DCHS1: variants seen among roughly 807,000 people sequenced by gnomAD.
The protein encoded by DCHS1 is dachsous cadherin-related 1.
In DCHS1, 78 loss-of-function variants were observed where a neutral mutation model predicts 213.9. The ratio of observed to expected loss-of-function variants is 0.36; its 90% CI spans 0.30 to 0.44. The LOEUF (loss-of-function observed/expected upper bound fraction) is 0.44, where lower values mean the gene tolerates loss of function less well. DCHS1 is among the 20% of genes least tolerant of loss of function. The pLI is 1.00. For synonymous variants in DCHS1, 1,828 were observed against 1,873.7 expected (o/e 0.98, Z 0.63); for missense variants, 3,946 against 4,395.9 (o/e 0.90, Z 2.89).
In DCHS1 at chr11:6,622,986, T is replaced by A. The variant is rs750099708; in HGVS notation, c.8690A>T (p.Glu2897Val). 7 of 1,571,268 alleles carry A rather than the reference T, an allele frequency of 4.5e-6. No individual in the cohort carries two copies. The highest frequency in any genetic ancestry group is 3.7e-5 in the Admixed American group (2 of 53,722). The change falls in exon 21 of 21, where the codon GAG (glutamate) becomes GTG (valine). Residue 2897 changes from glutamate to valine, a missense_variant. Glu to Val is a moderately radical substitution (Grantham distance 121, BLOSUM62 -2). This residue lies in a region of DCHS1 where 554 missense variants were observed against 590.2 expected (regional missense o/e 0.94). Transcript: ENST00000299441. This position sits in a 1 kb window ranked among gnomAD's most constrained non-coding sequence, Gnocchi z 5.4. The part of the protein sequence containing the change: ...GGRTRREAPR[E>V]LRLEVIARGP... ...CCGTGCTATCACCTCCAGCCTCAGC[T>A]CCCGTGGTGCTTCCCGCCGGGTCCG...
At position 6,653,872 on chromosome 11, in the gene DCHS1, T is replaced by G. The variant is rs574334623; in HGVS notation, c.-121+1691A>C. 8.5e-5 allele frequency among the ~76,000 whole-genome samples: 13 copies of G among 152,150 alleles called. No individual in the cohort carries two copies. The East Asian group carries it at 2.5e-3, about 29-fold the overall frequency. On this transcript the variant is annotated intron_variant, in intron 1 of 20. Coordinates refer to ENST00000299441, the MANE Select transcript of DCHS1 (RefSeq NM_003737.4). ...GAGGTCATTATGAGGTCAAAGAGTG[T>G]AATGGGAGCGAGAACATCTGAAAGC...
intron 20 of DCHS1, 142 bp from the exon 21 acceptor site, chr11:6,624,532 T>C: frequency 7.7e-7 from 1 of 1,294,894 alleles, no homozygotes; most frequent in Non-Finnish European, 1.0e-6. Context: ...GGGGATGGCC[T>C]CAAGGATTCA....
rs553302185 is a variant in DCHS1, at chr11:6,633,076, G to T, written c.2456-20C>A. ...AGCGACCTAGGGAGGATGAAAAAGG[G>T]ATCAGGAAAGAGATGGAGGGGCACT... is the stretch of plus-strand genomic sequence containing the variant. On this transcript the variant is annotated intron_variant, in intron 5 of 20. Coordinates refer to ENST00000299441, the MANE Select transcript of DCHS1 (RefSeq NM_003737.4). 3.0e-5 allele frequency: 48 copies of T among 1,575,690 alleles called. No individual in the cohort carries two copies. Among genetic ancestry groups the T allele is most frequent in the Non-Finnish European group, 4.0e-5 (46 of 1,157,258 alleles).
chr11:6,627,056 C>T lies in DCHS1; in HGVS notation c.5983G>A (p.Ala1995Thr), dbSNP rs1469474080. The T allele has an allele frequency of 3.7e-6, 6 of 1,613,452 alleles. No individual in the cohort carries two copies. The Admixed American group carries it at 8.3e-5, about 22-fold the overall frequency. ...TLRAEDRDAG[A>T]NASILYRLAG... Reference sequence around the variant, plus strand: ...AGCCGGTACAGAATGGAAGCATTGGCACCAGCATCACGATCTTCAGCTCTC... The same window carrying T: ...AGCCGGTACAGAATGGAAGCATTGGTACCAGCATCACGATCTTCAGCTCTC... The change falls in exon 14 of 21, where the codon GCC (alanine) becomes ACC (threonine). Residue 1995 changes from alanine (A) to threonine (T), a missense_variant. By Grantham distance (58) the Ala-to-Thr change is moderately conservative. Around this residue, in one of 3 missense-constraint regions of DCHS1, gnomAD observed 3,384 missense variants for 3,780.1 expected, o/e 0.90. Coordinates refer to ENST00000299441, the MANE Select transcript of DCHS1 (RefSeq NM_003737.4). The surrounding 1 kb of genome is among the most constrained non-coding windows in gnomAD (Gnocchi z 5.4).
chr11:6,645,322 C>A (rs553316192), intron 1 of DCHS1, among the ~76,000 whole-genome samples: 2 of 152,236 alleles, frequency 1.3e-5, no homozygotes, highest in South Asian at 4.2e-4. Flanking sequence ...AAGGATGGTT[C>A]CAGGGCCCAG....
chr11:6,630,869 G>A lies in DCHS1; in HGVS notation c.3931-6C>T. 6.6e-7 allele frequency: 1 copy of A among 1,515,622 alleles called. No homozygotes were observed. The highest frequency in any genetic ancestry group is 2.4e-5 in the East Asian group (1 of 42,384). 93.9% of individuals were successfully genotyped at this position (1,515,622 alleles called of 1,614,324 possible). On this transcript the variant is annotated splice_region_variant and splice_polypyrimidine_tract_variant and intron_variant, in intron 9 of 20. Transcript: ENST00000299441. ...AAGCGAGCTGAGGGAAGCACCTGTT[G>A]TGGACCGGGGAGGGAGAACAGAATT...
chr11:6,626,074 C>G lies in DCHS1; in HGVS notation c.6577G>C (p.Val2193Leu), dbSNP rs756921192. Residue 2193 changes from valine (V) to leucine (L), a missense_variant and splice_region_variant, in exon 17 of 21, where the codon GTG becomes CTG. Coordinates refer to ENST00000299441, the MANE Select transcript of DCHS1 (RefSeq NM_003737.4). This position sits in a 1 kb window ranked among gnomAD's most constrained non-coding sequence, Gnocchi z 5.2. ...CCTTGATCCAGGTCATCCGCCTCCACCTGGTGAGGGTAGGAGGCTGCTGGG... is the reference window on the plus strand; with the variant it reads ...CCTTGATCCAGGTCATCCGCCTCCAGCTGGTGAGGGTAGGAGGCTGCTGGG... ...SRPLEGPLLQ[V>L]EADDLDQGSG... 2.5e-6 allele frequency: 4 copies of G among 1,609,204 alleles called. No individual in the cohort carries two copies. The highest frequency in any genetic ancestry group is 3.4e-6 in the Non-Finnish European group (4 of 1,177,822).
Position 6,639,951 on chromosome 11 carries a change from G to C in DCHS1, c.1663C>G (p.Leu555Val), listed in dbSNP as rs1177765491. The part of the protein sequence containing the change: ...QLIVVATDGG[L>V]PPLASSATVS... ...GTGGCAGAGGAGGCTAGAGGGGGCA[G>C]GCCACCATCTGTGGCCACCACAATC... The change falls in exon 2 of 21, where the codon CTG becomes GTG. Residue 555 changes from leucine to valine, a missense_variant. Leu to Val is a conservative substitution (Grantham distance 32, BLOSUM62 1). Transcript: ENST00000299441. 1 of 1,614,040 alleles carries C rather than the reference G, an allele frequency of 6.2e-7. No homozygotes were observed. Among genetic ancestry groups the C allele is most frequent in the Non-Finnish European group, 8.5e-7 (1 of 1,179,892 alleles).
chr11:6,628,104 G>T lies in DCHS1; in HGVS notation c.5372-437C>A, dbSNP rs1431129960. On this transcript the variant is annotated intron_variant, in intron 13 of 20. Transcript: ENST00000299441. This position sits in a 1 kb window ranked among gnomAD's most constrained non-coding sequence, Gnocchi z 4.3. ...CTGTGTGTCTTCAGAGATTCAGTTT[G>T]TTCTGGCTATCTTCAATTATACCTG... 6.6e-6 allele frequency among the ~76,000 whole-genome samples: 1 copy of T among 152,222 alleles called. No homozygotes were observed. The highest frequency in any genetic ancestry group is 1.5e-5 in the Non-Finnish European group (1 of 68,036).
At chr11:6,651,833 T>C (rs1856246742) in intron 1 of DCHS1, among the ~76,000 whole-genome samples, 1 of 152,128 alleles carries the variant, frequency 6.6e-6, no homozygotes, top group South Asian at 2.1e-4. Context: ...GATGGTCATT[T>C]GGGGAAGGAA....
Position 6,626,846 on chromosome 11 carries a change from C to T in DCHS1, c.6193G>A (p.Gly2065Arg). ...IVGLQGEAER[G>R]PRFPRASSEA... ...CTGCTAGCCCGGGGAAAGCGGGGTC[C>T]ACGCTCAGCTTCCCCCTGCAGTCCA... Residue 2065 changes from glycine to arginine, a missense_variant, in exon 14 of 21, where the codon GGA becomes AGA. Physicochemically the swap from Gly to Arg is moderately radical, Grantham distance 125. Coordinates refer to ENST00000299441, the MANE Select transcript of DCHS1 (RefSeq NM_003737.4). This position sits in a 1 kb window ranked among gnomAD's most constrained non-coding sequence, Gnocchi z 5.2. 1 of 1,613,378 alleles carries T rather than the reference C, an allele frequency of 6.2e-7. No homozygotes were observed. The highest frequency in any genetic ancestry group is 8.5e-7 in the Non-Finnish European group (1 of 1,179,866).
Position 6,623,068 on chromosome 11 carries a change from G to A in DCHS1, c.8608C>T (p.Leu2870=), listed in dbSNP as rs1475963225. 1 of 1,588,964 alleles carries A rather than the reference G, an allele frequency of 6.3e-7. No homozygotes were observed. The highest frequency in any genetic ancestry group is 8.6e-7 in the Non-Finnish European group (1 of 1,167,692). The stretch of plus-strand genomic sequence containing the variant: ...CCTGGTGCCCGACTGTCCACCCGCA[G>A]GTACAGGGCTCCTGTAGTCTGGTTA... ...GINQTTGALY[L]RVDSRAPGSG... The change falls in exon 21 of 21, where the codon CTG becomes TTG. Residue 2870 remains leucine, a synonymous_variant. Coordinates refer to ENST00000299441, the MANE Select transcript of DCHS1 (RefSeq NM_003737.4).
At position 6,641,487 on chromosome 11, in the gene DCHS1, G is replaced by A; in HGVS notation, c.127C>T (p.Gln43Ter). ...ATCTGCAAGTCCAGGCTCCCAGCCT[G>A]ACCCCAGGCACCTGGCACCCCAGCC... ...LGAGVPGAWG[Q>*]AGSLDLQIDE... The change falls in exon 2 of 21, where the codon CAG (glutamine) becomes TAG (stop). Residue 43 changes from glutamine (Q) to a stop codon, truncating the protein, a stop_gained. Coordinates refer to ENST00000299441, the MANE Select transcript of DCHS1 (RefSeq NM_003737.4). LOFTEE classifies it high-confidence loss of function. This position sits in a 1 kb window ranked among gnomAD's most constrained non-coding sequence, Gnocchi z 7.1. The A allele has an allele frequency of 6.4e-7, 1 of 1,570,492 alleles. No individual in the cohort carries two copies. Among genetic ancestry groups the A allele is most frequent in the Non-Finnish European group, 8.6e-7 (1 of 1,158,776 alleles).
chr11:6,636,011 C>T (rs2134637665), intron 2 of DCHS1, among the ~76,000 whole-genome samples: 1 of 152,306 alleles, frequency 6.6e-6, no homozygotes, highest in South Asian at 2.1e-4. Flanking sequence ...TGCCCCAAAG[C>T]CATAATAAAC....
At chr11:6,646,371 C>T (rs994312052) in intron 1 of DCHS1, among the ~76,000 whole-genome samples, 7 of 152,148 alleles carry the variant, frequency 4.6e-5, no homozygotes, top group African/African-American at 1.4e-4. Flanking sequence ...GTTCCAAACT[C>T]GAACTCCAGA....
chr11:6,626,485 C>G lies in DCHS1; in HGVS notation c.6364+67G>C. On this transcript the variant is annotated intron_variant, in intron 15 of 20. Coordinates refer to ENST00000299441, the MANE Select transcript of DCHS1 (RefSeq NM_003737.4). The surrounding 1 kb of genome is among the most constrained non-coding windows in gnomAD (Gnocchi z 5.2). ...ACAGCCCTTCACCCATCAAAGGCTC[C>G]TCTGATGCAAAGAACCTGCTTCCCC... The G allele has an allele frequency of 6.2e-7, 1 of 1,605,730 alleles. No homozygotes were observed. Among genetic ancestry groups the G allele is most frequent in the Non-Finnish European group, 8.5e-7 (1 of 1,173,734 alleles).
In DCHS1 at chr11:6,622,167, C is replaced by A. The variant is rs770139460; in HGVS notation, c.9509G>T (p.Cys3170Phe). ...SYNWDYLLSWCPQFQPLASVF... is the reference protein window; with the variant it reads ...SYNWDYLLSWFPQFQPLASVF... ...ACTGGCCAGTGGTTGGAACTGAGGGCACCAGCTCAGCAGGTAGTCCCAGTT... is the reference window on the plus strand; with the variant it reads ...ACTGGCCAGTGGTTGGAACTGAGGGAACCAGCTCAGCAGGTAGTCCCAGTT... Residue 3170 changes from cysteine to phenylalanine, a missense_variant, in exon 21 of 21, where the codon TGC becomes TTC. Cys to Phe is a radical substitution (Grantham distance 205). Around this residue, in one of 3 missense-constraint regions of DCHS1, gnomAD observed 554 missense variants for 590.2 expected, o/e 0.94. Transcript: ENST00000299441. This position sits in a 1 kb window ranked among gnomAD's most constrained non-coding sequence, Gnocchi z 5.4. 1.2e-6 allele frequency: 2 copies of A among 1,610,868 alleles called. No homozygotes were observed. Among genetic ancestry groups the A allele is most frequent in the Non-Finnish European group, 1.7e-6 (2 of 1,179,308 alleles).
Position 6,632,402 on chromosome 11 carries a change from G to T in DCHS1, c.3110C>A (p.Ala1037Glu). Residue 1037 changes from alanine (A) to glutamate (E), a missense_variant, in exon 6 of 21, where the codon GCA becomes GAA. Ala to Glu is a moderately radical substitution (Grantham distance 107). Coordinates refer to ENST00000299441, the MANE Select transcript of DCHS1 (RefSeq NM_003737.4). The surrounding 1 kb of genome is among the most constrained non-coding windows in gnomAD (Gnocchi z 5.9). ...PDGGPITYHL[A>E]AEGASSPFGL... Reference sequence around the variant, plus strand: ...AAAGGGGCTACTTGCTCCCTCTGCTGCAAGGTGATAGGTGATAGGGCCCCC... The same window carrying T: ...AAAGGGGCTACTTGCTCCCTCTGCTTCAAGGTGATAGGTGATAGGGCCCCC... 2.5e-6 allele frequency: 4 copies of T among 1,613,746 alleles called. No homozygotes were observed. The highest frequency in any genetic ancestry group is 2.5e-6 in the Non-Finnish European group (3 of 1,179,734).
Position 6,626,825 on chromosome 11 carries a change from T to C in DCHS1, c.6214A>G (p.Ser2072Gly), listed in dbSNP as rs761711744. 8 of 1,613,036 alleles carry C rather than the reference T, an allele frequency of 5.0e-6. No individual in the cohort carries two copies. In the South Asian group the frequency reaches 5.5e-5, roughly 11 times the overall value. ...AERGPRFPRA[S>G]SEATIRENAP... ...TTCTCACGAATCGTAGCCTCACTGC[T>C]AGCCCGGGGAAAGCGGGGTCCACGC... Residue 2072 changes from serine (S) to glycine (G), a missense_variant, in exon 14 of 21, where the codon AGC becomes GGC. Physicochemically the swap from Ser to Gly is moderately conservative, Grantham distance 56. Around this residue, in one of 3 missense-constraint regions of DCHS1, gnomAD observed 3,384 missense variants for 3,780.1 expected, o/e 0.90. Transcript: ENST00000299441. This position sits in a 1 kb window ranked among gnomAD's most constrained non-coding sequence, Gnocchi z 5.2.
Sources: gnomAD v4.1 joint callset for allele counts (sites outside exome capture counted in the v4.1 genomes callset) on GRCh38, gnomAD v4.1.1 for gene constraint, gnomAD v4.1.1 regional missense constraint, Gnocchi (gnomAD v3.1) non-coding constraint, MANE v1.5 for transcripts, NCBI Gene and HGNC (gene_info 2026-07-23, HGNC 2026-07-21) for gene names.